FIGN: variants seen among roughly 807,000 people sequenced by gnomAD.
FIGN encodes fidgetin, microtubule severing factor.
In FIGN, 11 loss-of-function variants were observed where a neutral mutation model predicts 51.3. The ratio of observed to expected loss-of-function variants is 0.21; its 90% CI spans 0.13 to 0.35. FIGN has a LOEUF of 0.35. Among genes scored for constraint, FIGN ranks in the 10% least tolerant of loss-of-function variants. The pLI, the probability that FIGN is intolerant of heterozygous loss-of-function variation, is 1.00. For missense variants in FIGN, 857 were observed against 943.6 expected, an observed-to-expected ratio of 0.91 and a Z score of 1.20; for synonymous variants, 407 against 363.2, an observed-to-expected ratio of 1.12 and a Z score of -1.37.
chr2:163,653,984 TGG>T (rs1265989931), intron 2 of FIGN, among the ~76,000 whole-genome samples: 204 of 152,228 alleles, frequency 1.3e-3, no homozygotes, highest in Non-Finnish European at 2.3e-3. Flanking sequence ...TTTGCTAAAC[TGG>T]AGCAAAGCGC....
intron 2 of FIGN, among the ~76,000 whole-genome samples, chr2:163,721,680 G>A (rs1007152392): frequency 4.6e-5 from 7 of 152,100 alleles, no homozygotes; most frequent in East Asian, 1.9e-4. Flanking sequence ...TTTCTTCTGC[G>A]TAGAGTGTAT....
At chr2:163,734,811 G>C in intron 2 of FIGN, 92 bp downstream of exon 2, 1 of 1,189,732 alleles carries the variant, frequency 8.4e-7, no homozygotes, top group Non-Finnish European at 1.2e-6. Context: ...ATGAGCAACT[G>C]CTTGCCAGGC....
At chr2:163,726,714 A>C (rs1469894069) in intron 2 of FIGN, among the ~76,000 whole-genome samples, 2 of 152,114 alleles carry the variant, frequency 1.3e-5, no homozygotes, top group Non-Finnish European at 2.9e-5. Flanking sequence ...TATTCCATTT[A>C]GATAATCAAA....
intron 2 of FIGN, among the ~76,000 whole-genome samples, chr2:163,698,251 T>A (rs920526654): frequency 4.6e-5 from 7 of 152,122 alleles, no homozygotes; most frequent in Non-Finnish European, 7.3e-5. Flanking sequence ...GGAGGTTCTC[T>A]AACAGCCCAT....
intron 2 of FIGN, among the ~76,000 whole-genome samples, chr2:163,681,446 C>T (rs1169001676): frequency 1.3e-5 from 2 of 152,008 alleles, no homozygotes; most frequent in Non-Finnish European, 2.9e-5. Context: ...AACAGTGGCT[C>T]ATAATTATAA....
At chr2:163,717,149 T>C (rs915968485) in intron 2 of FIGN, among the ~76,000 whole-genome samples, 4 of 152,180 alleles carry the variant, frequency 2.6e-5, no homozygotes, top group African/African-American at 9.7e-5. Flanking sequence ...CCCTTATTTC[T>C]ACCTCCGCCC....
At chr2:163,707,197 A>T (rs1454262010) in intron 2 of FIGN, among the ~76,000 whole-genome samples, 1 of 152,052 alleles carries the variant, frequency 6.6e-6, no homozygotes, top group Non-Finnish European at 1.5e-5. Context: ...AAATACAAAA[A>T]AATTAGCTGG....
intron 2 of FIGN, chr2:163,617,216 G>A: frequency 2.0e-6 from 2 of 984,934 alleles, no homozygotes; most frequent in South Asian, 9.4e-5. Flanking sequence ...AAGTGAGGAA[G>A]AAGCACTGAA....
chr2:163,679,720 T>C (rs1327690845), intron 2 of FIGN, among the ~76,000 whole-genome samples: 1 of 152,240 alleles, frequency 6.6e-6, no homozygotes, highest in African/African-American at 2.4e-5. Context: ...TCATTGCACA[T>C]GATTTAAGAT....
At chr2:163,647,021 A>C (rs1428210982) in intron 2 of FIGN, among the ~76,000 whole-genome samples, 1 of 152,246 alleles carries the variant, frequency 6.6e-6, no homozygotes, top group Non-Finnish European at 1.5e-5. Context: ...CCAACCTAGC[A>C]ATAAGACTAC....
chr2:163,611,923 A>G, intron 2 of FIGN, 117 bp from the exon 3 acceptor site: 2 of 460,522 alleles, frequency 4.3e-6, no homozygotes, highest in East Asian at 3.8e-5. Flanking sequence ...TGCATACTTT[A>G]AAAGATCTAC....
intron 2 of FIGN, among the ~76,000 whole-genome samples, chr2:163,716,618 C>G (rs911035961): frequency 1.3e-5 from 2 of 152,084 alleles, no homozygotes; most frequent in Non-Finnish European, 2.9e-5. Context: ...AGATAATGTT[C>G]ATTTCTAAGA....
chr2:163,621,807 A>C (rs911149790), intron 2 of FIGN, among the ~76,000 whole-genome samples: 4 of 152,182 alleles, frequency 2.6e-5, no homozygotes, highest in African/African-American at 9.6e-5. Flanking sequence ...CATAATGAGC[A>C]GAAACAGGAG....
intron 2 of FIGN, among the ~76,000 whole-genome samples, chr2:163,691,152 A>G (rs1206519248): frequency 6.6e-6 from 1 of 152,158 alleles, no homozygotes; most frequent in Non-Finnish European, 1.5e-5. Flanking sequence ...TGTTTTTAAT[A>G]TAAGACTAAA....
chr2:163,728,166 T>G (rs1241129890), intron 2 of FIGN, among the ~76,000 whole-genome samples: 3 of 151,990 alleles, frequency 2.0e-5, no homozygotes, highest in Non-Finnish European at 4.4e-5. Context: ...TATTTGGGGG[T>G]CTGCCCCCCC....
chr2:163,655,428 T>C (rs969407031), intron 2 of FIGN, among the ~76,000 whole-genome samples: 2 of 152,124 alleles, frequency 1.3e-5, no homozygotes, highest in Non-Finnish European at 2.9e-5. Flanking sequence ...ATACAGCCCA[T>C]GACAGGTTTT....
intron 2 of FIGN, among the ~76,000 whole-genome samples, chr2:163,656,922 C>T (rs1285717079): frequency 6.6e-6 from 1 of 152,012 alleles, no homozygotes; most frequent in Non-Finnish European, 1.5e-5. Flanking sequence ...CAGCTGTTGG[C>T]TACTACAGAT....
Position 163,610,153 on chromosome 2 carries a change from A to G in FIGN, c.1679T>C (p.Leu560Ser), listed in dbSNP as rs761395929. 2 of 1,613,980 alleles carry G rather than the reference A, an allele frequency of 1.2e-6. No homozygotes were observed. The highest frequency in any genetic ancestry group is 1.3e-5 in the African/African-American group (1 of 74,900). Residue 560 changes from leucine to serine, a missense_variant, in exon 3 of 3, where the codon TTA becomes TCA. Around this residue, in one of 3 missense-constraint regions of FIGN, gnomAD observed 799 missense variants for 849.5 expected, o/e 0.94. Transcript: ENST00000333129. ...IAGSGLVAKWLGEAEKIIHAS... is the reference protein window; with the variant it reads ...IAGSGLVAKWSGEAEKIIHAS... ...ATGGATAATTTTCTCTGCTTCTCCT[A>G]ACCACTTGGCGACTAGTCCAGAACC...
At chr2:163,636,523 G>T (rs549523929) in intron 2 of FIGN, among the ~76,000 whole-genome samples, 4 of 152,200 alleles carry the variant, frequency 2.6e-5, no homozygotes, top group African/African-American at 7.2e-5. Flanking sequence ...AACCTCAGGT[G>T]ATCCGCCTGC....
Sources: gnomAD v4.1 joint callset for allele counts (sites outside exome capture counted in the v4.1 genomes callset) on GRCh38, gnomAD v4.1.1 for gene constraint, gnomAD v4.1.1 regional missense constraint, MANE v1.5 for transcripts, NCBI Gene and HGNC (gene_info 2026-07-23, HGNC 2026-07-21) for gene names.